Variants in KIAA1217 observed in about 807,000 individuals in gnomAD.
The protein encoded by KIAA1217 is KIAA1217.
Under a neutral mutation model 163.9 loss-of-function variants are expected in KIAA1217, and 88 were observed. That is an observed-to-expected ratio of 0.54 (90% CI 0.45 to 0.64). KIAA1217 has a LOEUF of 0.64. Ranked by LOEUF, KIAA1217 falls within the 30% of genes least tolerant of loss-of-function variation. KIAA1217 has a pLI of 0.00. For missense variants in KIAA1217, 2,372 were observed against 2,475.0 expected (o/e 0.96, Z 0.88); for synonymous variants, 903 against 923.1 (o/e 0.98, Z 0.39).
chr10:24,070,463 A>G (rs955384247), intron 2 of KIAA1217, among the ~76,000 whole-genome samples: 1 of 152,234 alleles, frequency 6.6e-6, no homozygotes, highest in Non-Finnish European at 1.5e-5. Flanking sequence ...CAGGTAATAG[A>G]TTGGTATACA....
At chr10:24,053,407 T>C (rs1564641923) in intron 2 of KIAA1217, among the ~76,000 whole-genome samples, 1 of 152,168 alleles carries the variant, frequency 6.6e-6, no homozygotes, top group Non-Finnish European at 1.5e-5. Context: ...CAGCTTATCA[T>C]ATGCGTTATG....
At chr10:24,399,361 G>A (rs776681078) in intron 3 of KIAA1217, among the ~76,000 whole-genome samples, 2 of 151,968 alleles carry the variant, frequency 1.3e-5, no homozygotes, top group African/African-American at 2.4e-5. Flanking sequence ...TCTTTTTACC[G>A]ATGATGTTAA....
chr10:23,827,897 G>T (rs1018800146), intron 1 of KIAA1217, among the ~76,000 whole-genome samples: 1 of 152,166 alleles, frequency 6.6e-6, no homozygotes, highest in African/African-American at 2.4e-5. Context: ...GTGGCCTCTA[G>T]GTGGTCTTAA....
intron 3 of KIAA1217, among the ~76,000 whole-genome samples, chr10:24,382,828 T>A (rs1564580413): frequency 7.0e-6 from 1 of 142,860 alleles, no homozygotes; most frequent in Non-Finnish European, 1.5e-5. Context: ...TTCAAGAAAT[T>A]TGTGGTTTTT....
At chr10:23,913,674 A>G (rs1445568244) in intron 1 of KIAA1217, among the ~76,000 whole-genome samples, 1 of 152,192 alleles carries the variant, frequency 6.6e-6, no homozygotes, top group African/African-American at 2.4e-5. Flanking sequence ...GTTCTAAAAT[A>G]GCACTGTCCC....
chr10:24,192,011 T>C (rs2066744376), intron 2 of KIAA1217, among the ~76,000 whole-genome samples: 1 of 152,230 alleles, frequency 6.6e-6, no homozygotes, highest in Non-Finnish European at 1.5e-5. Context: ...CCCAAAGTGT[T>C]GGGATTACAG....
intron 2 of KIAA1217, among the ~76,000 whole-genome samples, chr10:24,059,113 T>A (rs1241560515): frequency 1.3e-5 from 2 of 152,214 alleles, no homozygotes; most frequent in African/African-American, 2.4e-5. Context: ...ATAATTACAT[T>A]TTCTGCATCT....
intron 2 of KIAA1217, among the ~76,000 whole-genome samples, chr10:24,271,996 C>A (rs1263478677): frequency 6.6e-6 from 1 of 152,000 alleles, no homozygotes; most frequent in Non-Finnish European, 1.5e-5. Flanking sequence ...CACAGAGAGA[C>A]CAAAGCCCAT....
At position 24,425,688 on chromosome 10, in the gene KIAA1217, C is replaced by T. The variant is rs1022372725; in HGVS notation, c.554-7307C>T. Among the ~76,000 whole-genome samples the T allele has an allele frequency of 6.6e-5, 10 of 152,298 alleles. 1 individual carries two copies. Among genetic ancestry groups the T allele is most frequent in the Admixed American group, 1.3e-4 (2 of 15,300 alleles). On this transcript the variant is annotated intron_variant, in intron 3 of 20. Coordinates refer to ENST00000376454, the MANE Select transcript of KIAA1217 (RefSeq NM_019590.5). ...TCTCCCTCACCTTATATTATTCCTACAGTTGATACTTCATTGAGTGTCTAG... is the reference window on the plus strand; with the variant it reads ...TCTCCCTCACCTTATATTATTCCTATAGTTGATACTTCATTGAGTGTCTAG...
chr10:24,069,151 C>A (rs1421600028), intron 2 of KIAA1217, among the ~76,000 whole-genome samples: 1 of 152,214 alleles, frequency 6.6e-6, no homozygotes, highest in African/African-American at 2.4e-5. Context: ...CAAACCACTG[C>A]CTTTTTTCTC....
chr10:23,783,739 C>T (rs536924574), intron 1 of KIAA1217, among the ~76,000 whole-genome samples: 4 of 152,054 alleles, frequency 2.6e-5, no homozygotes, highest in African/African-American at 9.6e-5. Context: ...TTAATCCTTT[C>T]TGTGCTATTG....
intron 1 of KIAA1217, among the ~76,000 whole-genome samples, chr10:23,771,906 C>T (rs1834812848): frequency 1.3e-5 from 2 of 152,186 alleles, no homozygotes; most frequent in South Asian, 4.1e-4. Context: ...CCTCTATATC[C>T]TCTTCCTTTC....
At chr10:24,479,316 C>G (rs1445163806) in intron 6 of KIAA1217, among the ~76,000 whole-genome samples, 1 of 151,752 alleles carries the variant, frequency 6.6e-6, no homozygotes, top group Admixed American at 6.5e-5. Flanking sequence ...AGTCTAAATT[C>G]AGATTTATGT....
intron 5 of KIAA1217, among the ~76,000 whole-genome samples, chr10:24,440,377 T>G (rs2060393206): frequency 6.6e-6 from 1 of 152,204 alleles, no homozygotes; most frequent in African/African-American, 2.4e-5. Context: ...TATTTTTTGC[T>G]ATGTCTAGCC....
chr10:24,405,761 G>T (rs1045208422), intron 3 of KIAA1217, among the ~76,000 whole-genome samples: 2 of 152,092 alleles, frequency 1.3e-5, no homozygotes, highest in Non-Finnish European at 2.9e-5. Flanking sequence ...GCCAAACAGG[G>T]GGTGAATAAA....
intron 1 of KIAA1217, among the ~76,000 whole-genome samples, chr10:23,762,824 ATTATCTCTGT>A (rs1834327695): frequency 6.6e-6 from 1 of 152,220 alleles, no homozygotes; most frequent in South Asian, 2.1e-4. Flanking sequence ...AGGAAGTCAA[ATTATCTCTGT>A]TTGCAGATGA....
At chr10:24,371,419 T>A (rs1285252446) in intron 2 of KIAA1217, among the ~76,000 whole-genome samples, 1 of 152,234 alleles carries the variant, frequency 6.6e-6, no homozygotes, top group Non-Finnish European at 1.5e-5. Flanking sequence ...TTACCTAGAA[T>A]CAAATTTTAA....
rs189771784 is a variant in KIAA1217 at position 24,462,968 on chromosome 10, G to A, written c.847-10260G>A. 2.2e-4 allele frequency among the ~76,000 whole-genome samples: 33 copies of A among 152,256 alleles called. No homozygotes were observed. The East Asian group carries it at 5.4e-3, about 25-fold the overall frequency. On this transcript the variant is annotated intron_variant, in intron 5 of 20. Transcript: ENST00000376454. ...AGGGAGCTGTGCATAAAAGAACAAG[G>A]TTCGTCCAGGAAATGGGTGGATGTG...
chr10:23,972,578 A>G (rs1845361485), intron 1 of KIAA1217, among the ~76,000 whole-genome samples: 1 of 152,054 alleles, frequency 6.6e-6, no homozygotes, highest in South Asian at 2.1e-4. Context: ...AAATTTTATT[A>G]TACTTCAATA....
Sources: allele counts gnomAD v4.1 joint callset (sites outside exome capture counted in the v4.1 genomes callset), GRCh38; gene constraint gnomAD v4.1.1; transcripts MANE v1.5; gene names NCBI Gene and HGNC (gene_info 2026-07-23, HGNC 2026-07-21).